Variants in NDUFS1 observed in about 807,000 individuals in gnomAD.
The protein encoded by NDUFS1 is NADH-ubiquinone oxidoreductase 75 kDa subunit, mitochondrial.
NDUFS1 carries 61 observed loss-of-function variants against 84.4 expected under a neutral mutation model. That is an observed-to-expected ratio of 0.72 (90% CI 0.59 to 0.89). NDUFS1 has a LOEUF of 0.89. Ranked by LOEUF, NDUFS1 falls within the 40% of genes least tolerant of loss-of-function variation. The pLI, the probability that NDUFS1 is intolerant of heterozygous loss-of-function variation, is 0.00. For missense variants in NDUFS1, 891 were observed against 890.0 expected (o/e 1.00, Z -0.01); for synonymous variants, 275 against 290.0 (o/e 0.95, Z 0.53).
chr2:206,147,467 T>A, intron 7 of NDUFS1, 64 bp downstream of exon 7: 1 of 1,488,402 alleles, frequency 6.7e-7, no homozygotes, highest in South Asian at 1.2e-5. Flanking sequence ...TTATTATTCA[T>A]CAAATTGTGA....
rs565294955 is a variant in NDUFS1 at position 206,156,410 on chromosome 2, CA to C, written c.-4-2729del. Reference sequence around the variant, plus strand: ...CAACACAGCATGATCCCATCTCTACCAAAAAAAAAAAAAAATTAGCTGGGTG... The same window carrying C: ...CAACACAGCATGATCCCATCTCTACCAAAAAAAAAAAAAATTAGCTGGGTG... On this transcript the variant is annotated intron_variant, in intron 1 of 18. Coordinates refer to ENST00000233190, the MANE Select transcript of NDUFS1 (RefSeq NM_005006.7). 4.2e-3 allele frequency among the ~76,000 whole-genome samples: 586 copies of C among 139,058 alleles called. 1 individual carries two copies. Among genetic ancestry groups the C allele is most frequent in the Admixed American group, 3.7e-3 (51 of 13,738 alleles). The allele number at this position is 139,058 out of a possible 152,430, so 91.2% of individuals were successfully genotyped here. A position where few individuals can be genotyped will look rare whatever the true frequency, so the allele number is the denominator to read the frequency against.
rs1481306581 is a variant in NDUFS1 at position 206,118,159 on chromosome 2, C to CA, written c.*6025dup. On this transcript the variant is annotated 3_prime_UTR_variant, in exon 19 of 19. Coordinates refer to ENST00000233190, the MANE Select transcript of NDUFS1 (RefSeq NM_005006.7). The stretch of plus-strand genomic sequence containing the variant: ...TAAACATTTTCAGTAGTGAAAAACA[C>CA]AAAAAACACTTTAAGCAGAGGGTAT... 6.6e-5 allele frequency: 10 copies of CA among 152,162 alleles called. No individual in the cohort carries two copies. Among genetic ancestry groups the CA allele is most frequent in the Non-Finnish European group, 1.3e-4 (9 of 67,982 alleles). 9.4% of individuals were successfully genotyped at this position (152,162 alleles called of 1,614,324 possible).
intron 13 of NDUFS1, among the ~76,000 whole-genome samples, chr2:206,138,147 G>C (rs1691792463): frequency 6.6e-6 from 1 of 152,176 alleles, no homozygotes; most frequent in Non-Finnish European, 1.5e-5. Context: ...CTGGAGTGCA[G>C]TGGCACAATC....
intron 13 of NDUFS1, among the ~76,000 whole-genome samples, chr2:206,134,078 A>G (rs1158728909): frequency 2.0e-5 from 3 of 152,240 alleles, no homozygotes; most frequent in Admixed American, 6.5e-5. Flanking sequence ...GGCCACAATC[A>G]AAGAATCAGC....
chr2:206,155,750 C>T (rs932319548), intron 1 of NDUFS1, among the ~76,000 whole-genome samples: 5 of 149,626 alleles, frequency 3.3e-5, no homozygotes, highest in South Asian at 2.1e-4. Flanking sequence ...GATGGGGTTT[C>T]GCCATGTTGG....
chr2:206,140,922 G>GTATATATATATATATATA (rs142969226), intron 12 of NDUFS1, among the ~76,000 whole-genome samples: 1 of 127,976 alleles, frequency 7.8e-6, no homozygotes, highest in Non-Finnish European at 1.6e-5. Flanking sequence ...TATGTAGTGT[G>GTATATATATATATATATA]TATATATATA....
chr2:206,115,864 T>C lies in NDUFS1; in HGVS notation c.*8321A>G, dbSNP rs1690930221. On this transcript the variant is annotated 3_prime_UTR_variant, in exon 19 of 19. Transcript: ENST00000233190. ...TTTTTACCATGGATAATTTCATGGA[T>C]AATTTCATGAATACTAGAGCCTAGT... 5.8e-6 allele frequency: 3 copies of C among 515,696 alleles called. No individual in the cohort carries two copies. The highest frequency in any genetic ancestry group is 1.1e-5 in the Non-Finnish European group (3 of 284,076). 31.9% of individuals were successfully genotyped at this position (515,696 alleles called of 1,614,324 possible).
intron 12 of NDUFS1, among the ~76,000 whole-genome samples, chr2:206,140,930 A>ATACACACACACATATACAC (rs760906634): frequency 0.017 from 2,291 of 134,770 alleles, 69 homozygotes; most frequent in African/African-American, 0.065. Flanking sequence ...GTGTATATAT[A>ATACACACACACATATACAC]TATATATATA....
At chr2:206,157,257 C>G (rs1302332453) in intron 1 of NDUFS1, among the ~76,000 whole-genome samples, 1 of 152,150 alleles carries the variant, frequency 6.6e-6, no homozygotes, top group Non-Finnish European at 1.5e-5. Context: ...GGCAGACAAC[C>G]AATTTTAAAG....
chr2:206,150,483 C>T (rs1254243127), intron 3 of NDUFS1, among the ~76,000 whole-genome samples: 1 of 152,202 alleles, frequency 6.6e-6, no homozygotes, highest in African/African-American at 2.4e-5. Flanking sequence ...AGTCTATAAA[C>T]ATGTTCAAAT....
chr2:206,121,475 G>A lies in NDUFS1; in HGVS notation c.*2710C>T, dbSNP rs1324902921. The A allele has an allele frequency of 3.3e-5, 5 of 152,154 alleles. No individual in the cohort carries two copies. Among genetic ancestry groups the A allele is most frequent in the East Asian group, 1.9e-4 (1 of 5,200 alleles). The allele number at this position is 152,154 out of a possible 1,614,324, so 9.4% of individuals were successfully genotyped here. ...TTATTTATTTATTTTTTGAGAGGGA[G>A]GCTTGTTTCTTCACCCAGGCTGCAG... On this transcript the variant is annotated 3_prime_UTR_variant, in exon 19 of 19. Coordinates refer to ENST00000233190, the MANE Select transcript of NDUFS1 (RefSeq NM_005006.7).
At chr2:206,143,699 T>C (rs1219597960) in intron 10 of NDUFS1, among the ~76,000 whole-genome samples, 1 of 152,098 alleles carries the variant, frequency 6.6e-6, no homozygotes, top group Admixed American at 6.6e-5. Flanking sequence ...CTGTCCTAGT[T>C]AGGCATTCCT....
At chr2:206,132,657 TTTAA>T (rs1393464050) in intron 14 of NDUFS1, among the ~76,000 whole-genome samples, 3 of 152,228 alleles carry the variant, frequency 2.0e-5, no homozygotes, top group Admixed American at 2.0e-4. Flanking sequence ...ATTTTTATCA[TTTAA>T]TTAAAGAACT....
intron 13 of NDUFS1, among the ~76,000 whole-genome samples, 166 bp from the exon 14 acceptor site, chr2:206,133,271 T>C (rs1045326689): frequency 3.3e-5 from 5 of 152,200 alleles, no homozygotes; most frequent in South Asian, 2.1e-4. Context: ...CAGATTTAGT[T>C]TAATCCAAAG....
intron 13 of NDUFS1, 116 bp from the exon 14 acceptor site, chr2:206,133,221 T>C: frequency 2.5e-6 from 2 of 805,480 alleles, no homozygotes; most frequent in Non-Finnish European, 3.9e-6. Context: ...CATGAATGTC[T>C]TCAATTTGTT....
At chr2:206,134,633 A>G (rs534590995) in intron 13 of NDUFS1, among the ~76,000 whole-genome samples, 1 of 151,970 alleles carries the variant, frequency 6.6e-6, no homozygotes, top group African/African-American at 2.4e-5. Flanking sequence ...ATACAAGGAC[A>G]GGAAAGACAG....
chr2:206,147,100 A>G lies in NDUFS1; in HGVS notation c.552-12T>C. The G allele has an allele frequency of 6.2e-7, 1 of 1,613,984 alleles. No homozygotes were observed. ...TCTCACTTGCAAACCTACAAGATAA[A>G]AAATGTGTCATCAATGGTCAAGTCC... On this transcript the variant is annotated splice_polypyrimidine_tract_variant and intron_variant, in intron 7 of 18. Transcript: ENST00000233190.
rs376604450 is a variant in NDUFS1 at position 206,141,510 on chromosome 2, C to T, written c.1262+431G>A. 3.3e-4 allele frequency among the ~76,000 whole-genome samples: 49 copies of T among 147,920 alleles called. No individual in the cohort carries two copies. The East Asian group carries it at 7.3e-3, about 22-fold the overall frequency. On this transcript the variant is annotated intron_variant, in intron 12 of 18. Transcript: ENST00000233190. ...TCGCACCACTGCAATCCAGCCTGGG[C>T]GACAAAGCGAGACTCTGTCTCAAAG...
At chr2:206,156,259 T>C (rs1687648766) in intron 1 of NDUFS1, among the ~76,000 whole-genome samples, 1 of 92,752 alleles carries the variant, frequency 1.1e-5, no homozygotes, top group Non-Finnish European at 2.0e-5. Context: ...CAACACTCTG[T>C]CTCAAAAAAA....
Sources: gnomAD v4.1 joint callset for allele counts (sites outside exome capture counted in the v4.1 genomes callset) on GRCh38, gnomAD v4.1.1 for gene constraint, MANE v1.5 for transcripts, NCBI Gene and HGNC (gene_info 2026-07-23, HGNC 2026-07-21) for gene names.